NOL4: variants seen among roughly 807,000 people sequenced by gnomAD.
NOL4 encodes cancer/testis antigen 125.
In NOL4, 17 loss-of-function variants were observed where a neutral mutation model predicts 75.9. The ratio of observed to expected loss-of-function variants is 0.22; its 90% confidence interval spans 0.15 to 0.34. The LOEUF (loss-of-function observed/expected upper bound fraction) is 0.34, where lower values mean the gene tolerates loss of function less well. NOL4 is among the 10% of genes least tolerant of loss of function. The pLI, the probability that NOL4 is intolerant of heterozygous loss-of-function variation, is 1.00. For missense variants in NOL4, 614 were observed against 793.5 expected, an observed-to-expected ratio of 0.77 and a Z score of 2.72; for synonymous variants, 292 against 289.9, an observed-to-expected ratio of 1.01 and a Z score of -0.07.
intron 4 of NOL4, among the ~76,000 whole-genome samples, chr18:34,098,512 G>C (rs1420886248): frequency 1.3e-5 from 2 of 152,124 alleles, no homozygotes; most frequent in Non-Finnish European, 2.9e-5. Flanking sequence ...CCTAGCCTAT[G>C]CCAGAAGTAA....
rs35968611 is a variant in NOL4, at chr18:34,131,073, GAC to G, written c.265-1055_265-1054del. ...ACACATACACACACACACATACACC[GAC>G]ACACACACACACACACACACACACA... On this transcript the variant is annotated intron_variant, in intron 1 of 10. Coordinates refer to ENST00000261592, the MANE Select transcript of NOL4 (RefSeq NM_003787.5). Among the ~76,000 whole-genome samples the G allele has an allele frequency of 8.4e-3, 1,224 of 145,260 alleles. 9 individuals carry two copies. The highest frequency in any genetic ancestry group is 0.021 in the South Asian group (92 of 4,420).
chr18:33,856,818 C>T (rs948602992), intron 10 of NOL4, among the ~76,000 whole-genome samples: 1 of 151,934 alleles, frequency 6.6e-6, no homozygotes, highest in Non-Finnish European at 1.5e-5. Flanking sequence ...TTCTCATGGA[C>T]AAAATTCAAA....
At chr18:33,919,591 G>A (rs1175467591) in intron 9 of NOL4, among the ~76,000 whole-genome samples, 1 of 152,168 alleles carries the variant, frequency 6.6e-6, no homozygotes, top group Non-Finnish European at 1.5e-5. Flanking sequence ...TTTTTAGTTT[G>A]ACTTTAGAAC....
intron 6 of NOL4, among the ~76,000 whole-genome samples, chr18:33,963,097 A>C (rs1015973985): frequency 2.0e-5 from 3 of 152,158 alleles, no homozygotes; most frequent in African/African-American, 7.2e-5. Context: ...ACTTTCCACA[A>C]AGATTCCAGC....
intron 6 of NOL4, among the ~76,000 whole-genome samples, chr18:33,998,810 C>A (rs1036073362): frequency 6.6e-5 from 10 of 152,122 alleles, no homozygotes; most frequent in Admixed American, 2.0e-4. Flanking sequence ...AGGGAAAACA[C>A]TTCCATGAGT....
intron 2 of NOL4, among the ~76,000 whole-genome samples, chr18:34,118,065 C>T (rs949212763): frequency 6.6e-6 from 1 of 152,106 alleles, no homozygotes; most frequent in Non-Finnish European, 1.5e-5. Context: ...TATTGTGCTC[C>T]TTTTCAGATA....
chr18:33,935,039 A>G (rs1160032327), intron 9 of NOL4, among the ~76,000 whole-genome samples: 1 of 151,812 alleles, frequency 6.6e-6, no homozygotes, highest in South Asian at 2.1e-4. Context: ...TTTAAAAAAC[A>G]TTTTTGTAGA....
At chr18:33,994,555 G>C (rs913712455) in intron 6 of NOL4, among the ~76,000 whole-genome samples, 1 of 151,676 alleles carries the variant, frequency 6.6e-6, no homozygotes, top group Non-Finnish European at 1.5e-5. Flanking sequence ...GGTCAATAAA[G>C]AAATCAAAAG....
intron 8 of NOL4, among the ~76,000 whole-genome samples, chr18:33,944,919 T>G (rs982954480): frequency 5.3e-5 from 8 of 151,888 alleles, no homozygotes; most frequent in African/African-American, 1.7e-4. Flanking sequence ...CGATGATCAC[T>G]GCCTGGCTCA....
intron 1 of NOL4, among the ~76,000 whole-genome samples, chr18:34,138,216 T>C (rs1404826761): frequency 1.3e-5 from 2 of 151,996 alleles, no homozygotes; most frequent in Admixed American, 6.6e-5. Context: ...GTTTTAGACA[T>C]AGTGAGACCC....
intron 10 of NOL4, among the ~76,000 whole-genome samples, chr18:33,877,826 TTG>T (rs113939972): frequency 0.36 from 52,910 of 147,784 alleles, 9,318 homozygotes; most frequent in Admixed American, 0.42. Flanking sequence ...TGTTGTGTGA[TTG>T]TGTGTGTGTG....
chr18:33,966,740 C>T (rs531944325), intron 6 of NOL4, among the ~76,000 whole-genome samples: 9 of 151,978 alleles, frequency 5.9e-5, no homozygotes, highest in Non-Finnish European at 1.3e-4. Flanking sequence ...TTTAAAATAG[C>T]CACACACAAA....
rs548604259 is a variant in NOL4, at chr18:34,034,422, G to T, written c.773-14821C>A. Among the ~76,000 whole-genome samples the T allele has an allele frequency of 3.3e-5, 5 of 152,220 alleles. No homozygotes were observed. In the East Asian group the frequency reaches 9.7e-4, roughly 29 times the overall value. Reference sequence around the variant, plus strand: ...ATTATAGAATGAAAGTGCAGAGATGGAGAAAGATATTCCACACAAGAAAAC... The same window carrying T: ...ATTATAGAATGAAAGTGCAGAGATGTAGAAAGATATTCCACACAAGAAAAC... On this transcript the variant is annotated intron_variant, in intron 5 of 10. Coordinates refer to ENST00000261592, the MANE Select transcript of NOL4 (RefSeq NM_003787.5).
chr18:33,859,646 T>C (rs1418795334), intron 10 of NOL4, among the ~76,000 whole-genome samples: 2 of 152,176 alleles, frequency 1.3e-5, no homozygotes, highest in Non-Finnish European at 2.9e-5. Flanking sequence ...AGGCCAGGCA[T>C]AGTGGCTTAC....
At chr18:34,142,964 T>TA (rs1177974636) in intron 1 of NOL4, among the ~76,000 whole-genome samples, 2 of 151,794 alleles carry the variant, frequency 1.3e-5, no homozygotes. Context: ...TACAAACCTT[T>TA]AAAAAATGTG....
intron 5 of NOL4, among the ~76,000 whole-genome samples, chr18:34,058,371 T>C (rs970116701): frequency 2.0e-5 from 3 of 152,156 alleles, no homozygotes; most frequent in African/African-American, 7.2e-5. Context: ...CCTGACCTCG[T>C]GATCTGCCCG....
intron 2 of NOL4, among the ~76,000 whole-genome samples, chr18:34,125,848 C>T (rs188196413): frequency 6.6e-6 from 1 of 151,992 alleles, no homozygotes; most frequent in East Asian, 1.9e-4. Flanking sequence ...ATAACTGAAA[C>T]TCTCACGAGT....
At chr18:34,190,017 T>TTA (rs1488725605) in intron 1 of NOL4, among the ~76,000 whole-genome samples, 2 of 149,916 alleles carry the variant, frequency 1.3e-5, no homozygotes, top group African/African-American at 4.9e-5. Context: ...ATATAGCTTG[T>TTA]TATATATATA....
chr18:33,943,252 G>T, intron 8 of NOL4, 74 bp from the exon 9 acceptor site: 2 of 906,140 alleles, frequency 2.2e-6, no homozygotes, highest in Non-Finnish European at 3.5e-6. Flanking sequence ...ATTCTCAGAA[G>T]AGCTCTCAGG....
Sources: allele counts gnomAD v4.1 joint callset (sites outside exome capture counted in the v4.1 genomes callset), GRCh38; gene constraint gnomAD v4.1.1; transcripts MANE v1.5; gene names NCBI Gene and HGNC (gene_info 2026-07-23, HGNC 2026-07-21).